Variants in STXBP5L observed in about 807,000 individuals in gnomAD.
The protein encoded by STXBP5L is syntaxin-binding protein 5-like.
Under a neutral mutation model 144.5 loss-of-function variants are expected in STXBP5L, and 65 were observed. The observed-to-expected ratio is 0.45, with a 90% confidence interval of 0.37 to 0.55. The LOEUF (loss-of-function observed/expected upper bound fraction) is 0.55. Among genes scored for constraint, STXBP5L ranks in the 20% least tolerant of loss-of-function variants. STXBP5L has a pLI of 0.00. For missense variants in STXBP5L, 1,298 were observed against 1,405.5 expected (o/e 0.92, Z 1.22); for synonymous variants, 505 against 469.6 (o/e 1.08, Z -0.97).
chr3:120,994,444 C>T (rs1943179305), intron 3 of STXBP5L, among the ~76,000 whole-genome samples: 1 of 151,870 alleles, frequency 6.6e-6, no homozygotes, highest in East Asian at 1.9e-4. Flanking sequence ...TGACCTTTTT[C>T]ATGTTAAGGT....
At chr3:121,046,038 CT>C (rs1947495749) in intron 5 of STXBP5L, among the ~76,000 whole-genome samples, 1 of 152,182 alleles carries the variant, frequency 6.6e-6, no homozygotes, top group African/African-American at 2.4e-5. Context: ...AAATATGTTC[CT>C]TTAATGTCTA....
intron 20 of STXBP5L, among the ~76,000 whole-genome samples, chr3:121,371,718 GTGTGCCCTC>G (rs1560031191): frequency 6.6e-6 from 1 of 152,172 alleles, no homozygotes; most frequent in East Asian, 1.9e-4. Context: ...TGGGTGCTGT[GTGTGCCCTC>G]TGTGCATATT....
chr3:121,250,311 T>C (rs963788420), intron 14 of STXBP5L, among the ~76,000 whole-genome samples: 2 of 152,010 alleles, frequency 1.3e-5, no homozygotes, highest in African/African-American at 4.8e-5. Context: ...ATATATTTGG[T>C]GATTTGCTTT....
In STXBP5L at chr3:121,173,719, T is replaced by C. The variant is rs561395391; in HGVS notation, c.877+16092T>C. 1.6e-3 allele frequency among the ~76,000 whole-genome samples: 238 copies of C among 152,266 alleles called. 2 individuals carry two copies. Among genetic ancestry groups the C allele is most frequent in the Middle Eastern group, 3.4e-3 (1 of 294 alleles). ...AAAATACATTTAGAATACTGTACTG[T>C]ATTTATCAATATCATAAGTTTGTGT... On this transcript the variant is annotated intron_variant, in intron 9 of 26. Coordinates refer to ENST00000471454, the MANE Select transcript of STXBP5L (RefSeq NM_001308330.2).
chr3:121,000,029 C>G (rs73187410), intron 3 of STXBP5L, among the ~76,000 whole-genome samples: 6,050 of 152,206 alleles, frequency 0.04, 168 homozygotes, highest in Middle Eastern at 0.082. Context: ...TTCTCTCTAG[C>G]TGTCTTTAAT....
chr3:121,092,682 G>T (rs2042878177), intron 5 of STXBP5L, among the ~76,000 whole-genome samples: 1 of 152,160 alleles, frequency 6.6e-6, no homozygotes, highest in South Asian at 2.1e-4. Context: ...CTGAGACAGT[G>T]GGGTTTTCTA....
At chr3:121,252,044 C>T (rs1292190447) in intron 15 of STXBP5L, among the ~76,000 whole-genome samples, 2 of 152,104 alleles carry the variant, frequency 1.3e-5, no homozygotes, top group Non-Finnish European at 2.9e-5. Flanking sequence ...TTCCCACCAC[C>T]TCAAAGTCAC....
chr3:120,980,938 T>C (rs1299099389), intron 3 of STXBP5L, among the ~76,000 whole-genome samples: 1 of 152,110 alleles, frequency 6.6e-6, no homozygotes, highest in Non-Finnish European at 1.5e-5. Context: ...CTAGGAAATA[T>C]TTTATTTTAT....
chr3:121,307,831 A>G (rs1356597693), intron 19 of STXBP5L, among the ~76,000 whole-genome samples: 2 of 152,202 alleles, frequency 1.3e-5, no homozygotes, highest in Non-Finnish European at 2.9e-5. Flanking sequence ...AAGCTCCATG[A>G]ACTCCGAGAA....
intron 19 of STXBP5L, among the ~76,000 whole-genome samples, chr3:121,304,642 T>C (rs925344839): frequency 1.1e-4 from 17 of 152,204 alleles, no homozygotes; most frequent in Non-Finnish European, 4.4e-5. Context: ...ACAAAGGAAA[T>C]TTTAAAATAT....
At chr3:121,032,670 C>T (rs1946456815) in intron 3 of STXBP5L, among the ~76,000 whole-genome samples, 1 of 118,000 alleles carries the variant, frequency 8.5e-6, no homozygotes, top group African/African-American at 3.3e-5. Flanking sequence ...GCAACCTACT[C>T]ATCTGACAAA....
intron 22 of STXBP5L, among the ~76,000 whole-genome samples, chr3:121,390,813 A>G (rs2046564283): frequency 6.6e-6 from 1 of 151,630 alleles, no homozygotes; most frequent in Non-Finnish European, 1.5e-5. Context: ...GGCTGCCCTT[A>G]ACATTTTTTC....
chr3:120,973,405 T>A (rs998519878), intron 3 of STXBP5L, among the ~76,000 whole-genome samples: 1 of 152,078 alleles, frequency 6.6e-6, no homozygotes, highest in Non-Finnish European at 1.5e-5. Context: ...ATTTCTATAA[T>A]GTCAGTTGTA....
intron 19 of STXBP5L, among the ~76,000 whole-genome samples, chr3:121,284,337 TAA>T (rs2051161025): frequency 6.6e-6 from 1 of 152,072 alleles, no homozygotes; most frequent in Non-Finnish European, 1.5e-5. Flanking sequence ...AATGCCCTGC[TAA>T]AAGTTTACTT....
At chr3:121,250,482 C>A (rs1340963948) in intron 14 of STXBP5L, among the ~76,000 whole-genome samples, 1 of 151,860 alleles carries the variant, frequency 6.6e-6, no homozygotes, top group Non-Finnish European at 1.5e-5. Context: ...ACATATATAA[C>A]CTTTTTACAG....
At chr3:121,103,661 A>G (rs1302756328) in intron 5 of STXBP5L, among the ~76,000 whole-genome samples, 1 of 152,194 alleles carries the variant, frequency 6.6e-6, no homozygotes, top group Non-Finnish European at 1.5e-5. Context: ...TTATTTTTAA[A>G]AACCACAAAA....
At chr3:120,922,020 G>T (rs1709383272) in intron 2 of STXBP5L, among the ~76,000 whole-genome samples, 1 of 151,786 alleles carries the variant, frequency 6.6e-6, no homozygotes, top group Admixed American at 6.6e-5. Flanking sequence ...TATTTTGATA[G>T]AGATTGCATT....
At chr3:120,974,969 G>A (rs1051915894) in intron 3 of STXBP5L, among the ~76,000 whole-genome samples, 9 of 152,160 alleles carry the variant, frequency 5.9e-5, no homozygotes, top group African/African-American at 2.2e-4. Context: ...TTTGAAGTCG[G>A]GTAGCGTGAT....
chr3:121,108,204 T>C (rs2043808135), intron 5 of STXBP5L, among the ~76,000 whole-genome samples: 1 of 152,198 alleles, frequency 6.6e-6, no homozygotes. Flanking sequence ...TACGCTTTAT[T>C]TCTTTCTCTT....
Sources: gnomAD v4.1 joint callset for allele counts (sites outside exome capture counted in the v4.1 genomes callset) on GRCh38, gnomAD v4.1.1 for gene constraint, MANE v1.5 for transcripts, NCBI Gene and HGNC (gene_info 2026-07-23, HGNC 2026-07-21) for gene names.